Variants in EVC observed in about 807,000 individuals in gnomAD.
EVC encodes EvC ciliary complex subunit 1.
A neutral mutation model predicts 118.9 loss-of-function variants in EVC; 116 were observed. The observed-to-expected ratio is 0.98, with a 90% confidence interval of 0.84 to 1.14. EVC has a LOEUF of 1.14. Among genes scored for constraint, EVC ranks in the 50% most tolerant of loss-of-function variants. EVC has a pLI of 0.00. For missense variants in EVC, 1,401 were observed against 1,246.4 expected (o/e 1.12, Z -1.87); for synonymous variants, 619 against 534.7 (o/e 1.16, Z -2.18).
At chr4:5,827,118 C>T in the EVC span, among the ~76,000 whole-genome samples, 1 of 152,190 alleles carries the variant, frequency 6.6e-6, no homozygotes, top group Non-Finnish European at 1.5e-5. Flanking sequence ...GCAATGGGAC[C>T]CCCCGATCCT....
intron 4 of EVC, 38 bp from the exon 5 acceptor site, chr4:5,733,312 AC>A: frequency 3.2e-6 from 5 of 1,544,656 alleles, no homozygotes; most frequent in Non-Finnish European, 3.6e-6. Flanking sequence ...CATTTCCGAT[AC>A]CCTGAAAGTC....
chr4:5,783,771 G>A lies in EVC; in HGVS notation c.1776+7G>A, dbSNP rs750719632. 2.8e-5 allele frequency: 45 copies of A among 1,603,704 alleles called. 1 individual carries two copies. The South Asian group carries it at 4.6e-4, about 16-fold the overall frequency. On this transcript the variant is annotated splice_region_variant and intron_variant, in intron 12 of 20. Transcript: ENST00000264956. ...CCTAGAGCAAGACCAGCAGGTGCGG[G>A]CATTTGGGAACCCAGGGGCTGGGGT...
chr4:5,727,070 C>A (rs1051142427), intron 2 of EVC, among the ~76,000 whole-genome samples: 1 of 152,060 alleles, frequency 6.6e-6, no homozygotes, highest in African/African-American at 2.4e-5. Flanking sequence ...GATTTATAGT[C>A]CTTTGGGTAT....
chr4:5,761,639 C>CGTCT (rs1353689697), intron 11 of EVC, among the ~76,000 whole-genome samples: 1 of 151,824 alleles, frequency 6.6e-6, no homozygotes, highest in African/African-American at 2.4e-5. Flanking sequence ...AGGAAGCAGG[C>CGTCT]GTCTCATCTT....
intron 5 of EVC, among the ~76,000 whole-genome samples, chr4:5,734,796 T>C (rs1165203227): frequency 6.6e-6 from 1 of 152,204 alleles, no homozygotes; most frequent in Admixed American, 6.5e-5. Context: ...AACTAGAGCA[T>C]GGCCCTTCAC....
chr4:5,808,136 T>TACCCAACCAA, intron 17 of EVC, 65 bp from the exon 18 acceptor site: 2 of 306,554 alleles, frequency 6.5e-6, no homozygotes, highest in East Asian at 8.2e-5. Flanking sequence ...TCCTTCTCCC[T>TACCCAACCAA]CCCTCCCTCC....
chr4:5,820,291 TCATCAC>T, the EVC span, among the ~76,000 whole-genome samples: 1 of 151,972 alleles, frequency 6.6e-6, no homozygotes, highest in South Asian at 2.1e-4. Context: ...ATCGTCACCA[TCATCAC>T]CATCACCACC....
In EVC at chr4:5,811,369, C is replaced by T. The variant is rs762327879; in HGVS notation, c.*332C>T. On this transcript the variant is annotated 3_prime_UTR_variant, in exon 21 of 21. Transcript: ENST00000264956. ...TCAGGCCAAGGACCCCTGATGCAGA[C>T]TCTGGAATCCCTGGCCCAAAGGCCT... The T allele has an allele frequency of 2.8e-6, 1 of 356,320 alleles. No homozygotes were observed. The highest frequency in any genetic ancestry group is 2.5e-5 in the South Asian group (1 of 39,254). 22.1% of individuals were successfully genotyped at this position (356,320 alleles called of 1,614,324 possible). A position where few individuals can be genotyped will look rare whatever the true frequency, so the allele number is the denominator to read the frequency against.
chr4:5,744,421 A>G (rs1415112377), intron 6 of EVC, among the ~76,000 whole-genome samples: 4 of 152,202 alleles, frequency 2.6e-5, no homozygotes, highest in African/African-American at 9.7e-5. Flanking sequence ...TATAGAGAAA[A>G]TAGAACTGCC....
rs1382085862 is a variant in EVC at position 5,789,607 on chromosome 4, G to T, written c.1777-4001G>T. ...CCCTTTCTCCCCATAATACATGAGA[G>T]TTTGAAACAAAGAGTAAAACTTACT... On this transcript the variant is annotated intron_variant, in intron 12 of 20. Transcript: ENST00000264956. This position sits in a 1 kb window ranked among gnomAD's most constrained non-coding sequence, Gnocchi z 4.3. 6.6e-6 allele frequency among the ~76,000 whole-genome samples: 1 copy of T among 152,180 alleles called. No individual in the cohort carries two copies. Among genetic ancestry groups the T allele is most frequent in the African/African-American group, 2.4e-5 (1 of 41,436 alleles).
intron 11 of EVC, among the ~76,000 whole-genome samples, chr4:5,782,354 C>T (rs564908217): frequency 4.3e-4 from 64 of 149,824 alleles, no homozygotes; most frequent in African/African-American, 1.4e-3. Context: ...GGATTACAAG[C>T]GTGAGCCACC....
the EVC span, chr4:5,825,528 G>A: frequency 6.3e-7 from 1 of 1,581,072 alleles, no homozygotes; most frequent in Non-Finnish European, 8.6e-7. The surrounding 1 kb of genome is among the most constrained non-coding windows in gnomAD (Gnocchi z 4.4). Flanking sequence ...GGAGGTTTCT[G>A]ATGGGTGGGG....
the EVC span, among the ~76,000 whole-genome samples, chr4:5,822,363 C>T: frequency 6.6e-6 from 1 of 152,158 alleles, no homozygotes; most frequent in Admixed American, 6.5e-5. Context: ...GGCACACTGT[C>T]CCACACTCCA....
chr4:5,788,988 T>G (rs1258442475), intron 12 of EVC, among the ~76,000 whole-genome samples: 2 of 152,230 alleles, frequency 1.3e-5, no homozygotes, highest in Non-Finnish European at 2.9e-5. Context: ...GTCAAAAGAT[T>G]GGACGTCCCT....
intron 11 of EVC, among the ~76,000 whole-genome samples, chr4:5,760,227 T>G (rs10009675): frequency 0.64 from 96,996 of 151,584 alleles, 31,420 homozygotes; most frequent in South Asian, 0.77. Context: ...ATACGGAAGT[T>G]CCTGGCCAGC....
At chr4:5,770,346 A>G (rs377463972) in intron 11 of EVC, among the ~76,000 whole-genome samples, 1 of 152,168 alleles carries the variant, frequency 6.6e-6, no homozygotes, top group African/African-American at 2.4e-5. Context: ...AGCATAGACT[A>G]TCAAGGCCGC....
the EVC span, among the ~76,000 whole-genome samples, chr4:5,819,396 A>T: frequency 1.3e-5 from 2 of 152,336 alleles, no homozygotes; most frequent in East Asian, 3.9e-4. Flanking sequence ...AAGAGGTAAA[A>T]GGAAGTCACA....
chr4:5,752,910 G>A lies in EVC; in HGVS notation c.1173G>A (p.Glu391=). The part of the protein sequence containing the change: ...VIEFLKLQVQ[E]ETRCRLAAIS... ...AGTTTCTGAAGCTGCAAGTCCAGGA[G>A]GAGACCAGGTGCCGGCTGGCTGCCA... Residue 391 remains glutamate (E), a synonymous_variant, in exon 9 of 21, where the codon GAG becomes GAA. Transcript: ENST00000264956. 1 of 1,614,238 alleles carries A rather than the reference G, an allele frequency of 6.2e-7. No homozygotes were observed. The highest frequency in any genetic ancestry group is 2.2e-5 in the East Asian group (1 of 44,876).
intron 15 of EVC, among the ~76,000 whole-genome samples, chr4:5,800,113 G>A (rs1255814431): frequency 6.6e-6 from 1 of 152,240 alleles, no homozygotes; most frequent in East Asian, 1.9e-4. Flanking sequence ...GGGAGGCCAA[G>A]GCGGGTGGAT....
Sources: gnomAD v4.1 joint callset for allele counts (sites outside exome capture counted in the v4.1 genomes callset) on GRCh38, gnomAD v4.1.1 for gene constraint, Gnocchi (gnomAD v3.1) non-coding constraint, MANE v1.5 for transcripts, NCBI Gene and HGNC (gene_info 2026-07-23, HGNC 2026-07-21) for gene names.